RAD51B: variants seen among roughly 807,000 people sequenced by gnomAD.
RAD51B encodes DNA repair protein RAD51 homolog 2.
RAD51B carries 38 observed loss-of-function variants against 42.2 expected under a neutral mutation model. That is an observed-to-expected ratio of 0.90 (90% confidence interval 0.70 to 1.18). The LOEUF (loss-of-function observed/expected upper bound fraction) is 1.18, where lower values mean the gene tolerates loss of function less well. Ranked by LOEUF, RAD51B falls within the 50% of genes most tolerant of loss-of-function variation. The probability of loss-of-function intolerance (pLI) is 0.00; values close to 1 mark genes in which losing one functional copy is unlikely to be tolerated. For synonymous variants in RAD51B, 154 were observed against 145.2 expected (o/e 1.06, Z -0.43); for missense variants, 373 against 400.7 (o/e 0.93, Z 0.59).
At chr14:68,110,748 T>G (rs1048976148) in intron 7 of RAD51B, among the ~76,000 whole-genome samples, 3 of 152,016 alleles carry the variant, frequency 2.0e-5, no homozygotes, top group Non-Finnish European at 4.4e-5. Flanking sequence ...GAACTATACC[T>G]TAGCATTGGT....
rs1012467623 is a variant in RAD51B, at chr14:68,096,620, G to A, written c.757-195264G>A. Among the ~76,000 whole-genome samples, 11 of 152,176 alleles carry A rather than the reference G, an allele frequency of 7.2e-5. No individual in the cohort carries two copies. The East Asian group carries it at 9.6e-4, about 13-fold the overall frequency. On this transcript the variant is annotated intron_variant, in intron 7 of 10. Transcript: ENST00000471583. ...CCCACCTAGTACACCACATCCCATCGTTTTTGAGAGGACTTACAGATGAAA... is the reference window on the plus strand; with the variant it reads ...CCCACCTAGTACACCACATCCCATCATTTTTGAGAGGACTTACAGATGAAA...
chr14:67,996,593 A>T (rs59350632), intron 7 of RAD51B, among the ~76,000 whole-genome samples: 5,698 of 152,240 alleles, frequency 0.037, 364 homozygotes, highest in African/African-American at 0.13. Flanking sequence ...GAGTTCAAGG[A>T]ACTCCAAGGA....
At chr14:67,954,558 G>A (rs924730872) in intron 7 of RAD51B, among the ~76,000 whole-genome samples, 2 of 152,174 alleles carry the variant, frequency 1.3e-5, no homozygotes, top group African/African-American at 4.8e-5. Flanking sequence ...TGGTTTTGAG[G>A]TCACTGATGG....
intron 9 of RAD51B, among the ~76,000 whole-genome samples, chr14:68,466,789 T>C (rs1176875375): frequency 6.6e-6 from 1 of 152,186 alleles, no homozygotes; most frequent in Non-Finnish European, 1.5e-5. Flanking sequence ...TGTGGAAACT[T>C]GGGGAGTTAT....
At chr14:67,930,999 C>T (rs2044711118) in intron 7 of RAD51B, among the ~76,000 whole-genome samples, 1 of 151,438 alleles carries the variant, frequency 6.6e-6, no homozygotes, top group Non-Finnish European at 1.5e-5. Context: ...CAGCTCACTG[C>T]AAGCTCCGCC....
intron 7 of RAD51B, among the ~76,000 whole-genome samples, chr14:68,078,058 T>C: frequency 6.6e-6 from 1 of 152,238 alleles, no homozygotes; most frequent in Non-Finnish European, 1.5e-5. Flanking sequence ...AGGCATGTCA[T>C]ATATGTAACA....
intron 7 of RAD51B, among the ~76,000 whole-genome samples, chr14:68,272,536 T>A (rs1020446294): frequency 6.7e-6 from 1 of 149,466 alleles, no homozygotes; most frequent in Admixed American, 6.7e-5. Context: ...ATACTACATG[T>A]AAAGAGCACT....
At chr14:68,601,208 A>G (rs17756404) in intron 10 of RAD51B, among the ~76,000 whole-genome samples, 44,313 of 151,340 alleles carry the variant, frequency 0.29, 6,889 homozygotes, top group East Asian at 0.56. Flanking sequence ...AGTTGATCTC[A>G]TAGCCACGTC....
At chr14:67,856,112 G>C (rs1208244843) in intron 4 of RAD51B, among the ~76,000 whole-genome samples, 2 of 152,074 alleles carry the variant, frequency 1.3e-5, no homozygotes, top group Non-Finnish European at 2.9e-5. Flanking sequence ...TTTGATTTTT[G>C]TTAATGGTGG....
chr14:67,925,514 G>T (rs575335261), intron 7 of RAD51B, among the ~76,000 whole-genome samples: 89 of 152,124 alleles, frequency 5.9e-4, no homozygotes, highest in African/African-American at 2.1e-3. Flanking sequence ...CTTGTGATCT[G>T]CCTGCCTCAG....
chr14:68,647,513 C>A lies in RAD51B; in HGVS notation c.1037-3268C>A, dbSNP rs116948703. Among the ~76,000 whole-genome samples, 111 of 151,918 alleles carry A rather than the reference C, an allele frequency of 7.3e-4. 3 individuals carry two copies. In the East Asian group the frequency reaches 0.018, roughly 25 times the overall value. On this transcript the variant is annotated intron_variant, in intron 10 of 11. Coordinates refer to the RAD51B transcript ENST00000488612. Reference sequence around the variant, plus strand: ...AATTTTATTAAATATAATTTTAGAGCCTGTTAAGGTTATTGTATCATTCTT... The same window carrying A: ...AATTTTATTAAATATAATTTTAGAGACTGTTAAGGTTATTGTATCATTCTT...
intron 10 of RAD51B, among the ~76,000 whole-genome samples, chr14:68,473,983 T>C (rs1205486929): frequency 6.6e-6 from 1 of 152,236 alleles, no homozygotes; most frequent in Non-Finnish European, 1.5e-5. Context: ...TTAACACTGT[T>C]TTTGTAATAT....
intron 7 of RAD51B, among the ~76,000 whole-genome samples, chr14:68,211,949 G>GT (rs1330024708): frequency 6.6e-6 from 1 of 152,228 alleles, no homozygotes; most frequent in Non-Finnish European, 1.5e-5. Context: ...GTTTGCCTCT[G>GT]TAAGTAGAAC....
chr14:67,915,053 G>A lies in RAD51B; in HGVS notation c.756+27849G>A, dbSNP rs149430302. 8.8e-3 allele frequency among the ~76,000 whole-genome samples: 1,341 copies of A among 152,258 alleles called. 21 individuals carry two copies. Among genetic ancestry groups the A allele is most frequent in the African/African-American group, 0.03 (1,263 of 41,538 alleles). ...GGTATTCATGGACATAAAGATGGGA[G>A]CAGTAGACACTGGGGACCATTACAG... is the stretch of plus-strand genomic sequence containing the variant. On this transcript the variant is annotated intron_variant, in intron 7 of 10. Transcript: ENST00000471583.
intron 7 of RAD51B, among the ~76,000 whole-genome samples, chr14:67,904,982 G>A (rs1442998606): frequency 1.5e-5 from 2 of 136,394 alleles, no homozygotes; most frequent in Admixed American, 7.6e-5. Flanking sequence ...TGAAATCTTT[G>A]CCATCACCTA....
At chr14:68,017,930 C>T (rs891294480) in intron 7 of RAD51B, among the ~76,000 whole-genome samples, 1 of 151,974 alleles carries the variant, frequency 6.6e-6, no homozygotes, top group Non-Finnish European at 1.5e-5. Context: ...GAGATCGTGT[C>T]ACTGTACTCC....
At chr14:68,636,814 A>C (rs1037227542) in intron 10 of RAD51B, among the ~76,000 whole-genome samples, 17 of 152,090 alleles carry the variant, frequency 1.1e-4, no homozygotes, top group Admixed American at 6.6e-5. Context: ...GCAGGCTGGG[A>C]GGGGAGTCCT....
rs138113274 is a variant in RAD51B at position 68,326,750 on chromosome 14, G to A, written c.853+34770G>A. ...TTTTCAACCTAAAATATTACATATT[G>A]TGTCAGCCAGGATGCCATCAGGAAA... is the stretch of plus-strand genomic sequence containing the variant. On this transcript the variant is annotated intron_variant, in intron 8 of 10. Coordinates refer to ENST00000471583, the MANE Select transcript of RAD51B (RefSeq NM_133510.4). Among the ~76,000 whole-genome samples, 82 of 152,290 alleles carry A rather than the reference G, an allele frequency of 5.4e-4. 2 individuals are homozygous for A. In the East Asian group the frequency reaches 0.015, roughly 28 times the overall value.
chr14:68,348,476 T>C (rs2082716334), intron 8 of RAD51B, among the ~76,000 whole-genome samples: 1 of 152,250 alleles, frequency 6.6e-6, no homozygotes, highest in African/African-American at 2.4e-5. Context: ...TATGCAAGAC[T>C]TGATGGTTTG....
Sources: allele counts gnomAD v4.1 joint callset (sites outside exome capture counted in the v4.1 genomes callset), GRCh38; gene constraint gnomAD v4.1.1; transcripts MANE v1.5; gene names NCBI Gene and HGNC (gene_info 2026-07-23, HGNC 2026-07-21).